CLSTN2: variants seen among roughly 807,000 people sequenced by gnomAD.
CLSTN2 encodes calsyntenin 2, also known as calsyntenin-2.
In CLSTN2, 48 loss-of-function variants were observed where a neutral mutation model predicts 101.2. The ratio of observed to expected loss-of-function variants is 0.47; its 90% CI spans 0.38 to 0.60. The LOEUF (loss-of-function observed/expected upper bound fraction) is 0.60. Among genes scored for constraint, CLSTN2 ranks in the 20% least tolerant of loss-of-function variants. The probability of loss-of-function intolerance (pLI) is 0.00; values close to 1 mark genes in which losing one functional copy is unlikely to be tolerated. For synonymous variants in CLSTN2, 481 were observed against 463.6 expected, an observed-to-expected ratio of 1.04 and a Z score of -0.48; for missense variants, 1,160 against 1,238.2, an observed-to-expected ratio of 0.94 and a Z score of 0.95.
chr3:139,958,126 A>G lies in CLSTN2; in HGVS notation c.109+22643A>G, dbSNP rs1006464976. On this transcript the variant is annotated intron_variant, in intron 1 of 16. Coordinates refer to ENST00000458420, the MANE Select transcript of CLSTN2 (RefSeq NM_022131.3). Reference sequence around the variant, plus strand: ...CTTCAAAAGGAGAAACTAGGGGCCAACTCTCATACAGGAGGCCAGTCAGAG... The same window carrying G: ...CTTCAAAAGGAGAAACTAGGGGCCAGCTCTCATACAGGAGGCCAGTCAGAG... 3.9e-5 allele frequency among the ~76,000 whole-genome samples: 6 copies of G among 152,046 alleles called. No homozygotes were observed. The East Asian group carries it at 9.7e-4, about 24-fold the overall frequency.
chr3:140,351,794 T>TTC (rs1553735234), intron 2 of CLSTN2, among the ~76,000 whole-genome samples: 34 of 149,418 alleles, frequency 2.3e-4, no homozygotes, highest in Admixed American at 1.3e-4. Context: ...TTTGTTTTGT[T>TTC]TTTTTTTTTT....
intron 8 of CLSTN2, among the ~76,000 whole-genome samples, chr3:140,510,456 A>G (rs1233032573): frequency 6.6e-6 from 1 of 152,342 alleles, no homozygotes; most frequent in East Asian, 1.9e-4. Flanking sequence ...CCCGGGGATG[A>G]GATTAAATCC....
intron 2 of CLSTN2, among the ~76,000 whole-genome samples, chr3:140,356,872 C>T (rs1317212216): frequency 6.6e-6 from 1 of 151,952 alleles, no homozygotes; most frequent in Non-Finnish European, 1.5e-5. Context: ...AATTAAAATG[C>T]ACTGGGTACC....
At chr3:140,124,699 G>A (rs540888281) in intron 1 of CLSTN2, among the ~76,000 whole-genome samples, 2 of 152,304 alleles carry the variant, frequency 1.3e-5, no homozygotes, top group Admixed American at 6.5e-5. Flanking sequence ...ATGTCCATGA[G>A]ACAGCCAGGT....
intron 9 of CLSTN2, among the ~76,000 whole-genome samples, chr3:140,538,810 A>G (rs565791043): frequency 6.6e-6 from 1 of 152,246 alleles, no homozygotes; most frequent in Non-Finnish European, 1.5e-5. Flanking sequence ...ATGAAGCTCC[A>G]GTCCTACAGG....
chr3:140,318,385 A>G (rs1041011468), intron 2 of CLSTN2, among the ~76,000 whole-genome samples: 1 of 152,218 alleles, frequency 6.6e-6, no homozygotes, highest in Non-Finnish European at 1.5e-5. Context: ...CAGTAAAGAC[A>G]GAGCAGGTAG....
intron 1 of CLSTN2, among the ~76,000 whole-genome samples, chr3:140,143,267 A>G (rs1190150156): frequency 6.6e-6 from 1 of 152,158 alleles, no homozygotes. Flanking sequence ...GAAGTTCCGC[A>G]ATCTCACAAC....
chr3:140,537,932 G>A (rs550220046), intron 9 of CLSTN2, among the ~76,000 whole-genome samples: 1 of 152,278 alleles, frequency 6.6e-6, no homozygotes, highest in East Asian at 1.9e-4. Flanking sequence ...AGGGAGCCCT[G>A]GGGTTTCCAG....
intron 1 of CLSTN2, among the ~76,000 whole-genome samples, chr3:139,964,947 T>C (rs534550606): frequency 6.6e-6 from 1 of 152,266 alleles, no homozygotes. Flanking sequence ...AGTTGACAAA[T>C]ACCATCTGAT....
At chr3:140,038,600 G>A (rs1004420816) in intron 1 of CLSTN2, among the ~76,000 whole-genome samples, 38 of 152,080 alleles carry the variant, frequency 2.5e-4, no homozygotes, top group African/African-American at 8.4e-4. Context: ...TGGCGTTTTT[G>A]TCATGAAATT....
At chr3:139,945,492 A>T (rs573169045) in intron 1 of CLSTN2, among the ~76,000 whole-genome samples, 3 of 152,308 alleles carry the variant, frequency 2.0e-5, no homozygotes, top group South Asian at 4.1e-4. Flanking sequence ...TGTCTTATTA[A>T]TTTAGTTAAT....
chr3:140,007,013 C>T (rs1023762479), intron 1 of CLSTN2, among the ~76,000 whole-genome samples: 8 of 151,962 alleles, frequency 5.3e-5, no homozygotes, highest in African/African-American at 1.5e-4. Flanking sequence ...ACAAGATTAG[C>T]GTTACTGATT....
chr3:139,955,562 T>C (rs1019827402), intron 1 of CLSTN2, among the ~76,000 whole-genome samples: 3 of 6,088 alleles, frequency 4.9e-4, no homozygotes, highest in African/African-American at 6.0e-4. Context: ...TAACTGGTGG[T>C]TGGGATCATC....
chr3:140,052,823 G>A lies in CLSTN2; in HGVS notation c.109+117340G>A, dbSNP rs73867285. Among the ~76,000 whole-genome samples the A allele has an allele frequency of 2.2e-3, 340 of 152,344 alleles. 1 individual carries two copies. Among genetic ancestry groups the A allele is most frequent in the African/African-American group, 7.6e-3 (318 of 41,582 alleles). ...AAGCAAGCATGCCTATTCACAGGCT[G>A]TGTGGTCTTGGGCACATTACCTAAC... On this transcript the variant is annotated intron_variant, in intron 1 of 16. Transcript: ENST00000458420.
At chr3:140,452,710 GA>G (rs1933281003) in intron 6 of CLSTN2, 1 of 152,206 alleles carries the variant, frequency 6.6e-6, no homozygotes. Flanking sequence ...TGGGCCTAGG[GA>G]AGCATTGGAT....
intron 1 of CLSTN2, among the ~76,000 whole-genome samples, chr3:140,065,299 G>A (rs1309200942): frequency 6.6e-6 from 1 of 152,218 alleles, no homozygotes; most frequent in Admixed American, 6.5e-5. Flanking sequence ...CTGTCTTTGA[G>A]GCTCAGGCCC....
chr3:140,463,515 G>A (rs1051965006), intron 7 of CLSTN2, among the ~76,000 whole-genome samples: 1 of 152,208 alleles, frequency 6.6e-6, no homozygotes, highest in East Asian at 1.9e-4. Context: ...GAAAGGAAGT[G>A]AGAACCTTAC....
chr3:140,137,569 A>G (rs1342491745), intron 1 of CLSTN2, among the ~76,000 whole-genome samples: 1 of 152,200 alleles, frequency 6.6e-6, no homozygotes, highest in Non-Finnish European at 1.5e-5. Context: ...GACTGTGTCT[A>G]GCCCAGGGAT....
chr3:140,404,824 C>G (rs2088284859), intron 4 of CLSTN2, 58 bp downstream of exon 4: 1 of 1,412,032 alleles, frequency 7.1e-7, no homozygotes, highest in Non-Finnish European at 1.0e-6. Flanking sequence ...CGCCTCCACT[C>G]TGAAGACCCA....
Sources: gnomAD v4.1 joint callset for allele counts (sites outside exome capture counted in the v4.1 genomes callset) on GRCh38, gnomAD v4.1.1 for gene constraint, MANE v1.5 for transcripts, NCBI Gene and HGNC (gene_info 2026-07-23, HGNC 2026-07-21) for gene names.